Variants in MAPRE2 observed in about 807,000 individuals in gnomAD.
MAPRE2 encodes microtubule-associated protein RP/EB family member 2.
A neutral mutation model predicts 43.2 loss-of-function variants in MAPRE2; 13 were observed. That is an observed-to-expected ratio of 0.30 (90% CI 0.20 to 0.48). MAPRE2 has a LOEUF of 0.48. Among genes scored for constraint, MAPRE2 ranks in the 20% least tolerant of loss-of-function variants. The pLI is 0.99. For synonymous variants in MAPRE2, 135 were observed against 148.8 expected (o/e 0.91, Z 0.68); for missense variants, 161 against 400.2 (o/e 0.40, Z 5.10).
At chr18:35,045,013 A>T (rs780073356) in intron 1 of MAPRE2, among the ~76,000 whole-genome samples, 1 of 152,176 alleles carries the variant, frequency 6.6e-6, no homozygotes, top group African/African-American at 2.4e-5. Flanking sequence ...TTAGAAAATT[A>T]CCCCTGGATT....
intron 1 of MAPRE2, 59 bp downstream of exon 1, chr18:35,041,720 A>C (rs1054764184): frequency 1.9e-6 from 3 of 1,612,566 alleles, no homozygotes; most frequent in African/African-American, 1.3e-5. Flanking sequence ...GCGGAAATCC[A>C]GCCCGTTATA....
At chr18:35,123,194 C>T (rs760143112) in intron 4 of MAPRE2, among the ~76,000 whole-genome samples, 5 of 152,174 alleles carry the variant, frequency 3.3e-5, no homozygotes, top group Non-Finnish European at 7.3e-5. Context: ...TCTTATCAAA[C>T]ATTTCAGTTT....
intron 1 of MAPRE2, among the ~76,000 whole-genome samples, chr18:35,067,726 C>G (rs1906905221): frequency 6.6e-6 from 1 of 152,120 alleles, no homozygotes; most frequent in African/African-American, 2.4e-5. Context: ...TAGAAAAGCC[C>G]ATCAGCTGCC....
At chr18:35,120,112 G>C (rs1055397074) in intron 4 of MAPRE2, among the ~76,000 whole-genome samples, 2 of 152,146 alleles carry the variant, frequency 1.3e-5, no homozygotes, top group African/African-American at 4.8e-5. Flanking sequence ...AGTGGAGCTG[G>C]GACCCCTAAG....
intron 1 of MAPRE2, among the ~76,000 whole-genome samples, chr18:35,069,234 AT>A (rs1906986940): frequency 6.6e-6 from 1 of 152,226 alleles, no homozygotes; most frequent in African/African-American, 2.4e-5. Context: ...TTATAAAGAA[AT>A]TTAAAGAATG....
chr18:35,029,857 A>G (rs1051150149), intron 2 of MAPRE2, among the ~76,000 whole-genome samples: 1 of 152,250 alleles, frequency 6.6e-6, no homozygotes, highest in Admixed American at 6.5e-5. Flanking sequence ...TTTTAACGAG[A>G]GCACTCAAAT....
At chr18:35,112,836 G>GTATAAACAA (rs1264727069) in intron 4 of MAPRE2, among the ~76,000 whole-genome samples, 1 of 152,202 alleles carries the variant, frequency 6.6e-6, no homozygotes, top group Non-Finnish European at 1.5e-5. Context: ...AGGTAGCTTT[G>GTATAAACAA]TATAAACAAC....
intron 1 of MAPRE2, among the ~76,000 whole-genome samples, chr18:35,001,235 G>T (rs2097029171): frequency 6.6e-6 from 1 of 152,116 alleles, no homozygotes; most frequent in African/African-American, 2.4e-5. Flanking sequence ...ATATCAGCTG[G>T]GTGCCATGGC....
chr18:35,010,048 C>T lies in MAPRE2; in HGVS notation c.-8+4495C>T, dbSNP rs1457643357. ...AATAAAAGCAATAAGATAAATTTTA[C>T]CCATCTCACACCACAGTAACAATTT... On this transcript the variant is annotated intron_variant, in intron 2 of 7. Coordinates refer to the MAPRE2 transcript ENST00000413393. Among the ~76,000 whole-genome samples, 4 of 152,210 alleles carry T rather than the reference C, an allele frequency of 2.6e-5. No homozygotes were observed. In the South Asian group the frequency reaches 6.2e-4, roughly 24 times the overall value.
At chr18:35,024,182 T>G (rs2097043693) in intron 2 of MAPRE2, among the ~76,000 whole-genome samples, 1 of 152,224 alleles carries the variant, frequency 6.6e-6, no homozygotes, top group South Asian at 2.1e-4. Context: ...CAAGTGTTAT[T>G]GCATTAGAAG....
At chr18:35,064,035 C>G (rs987827991) in intron 1 of MAPRE2, among the ~76,000 whole-genome samples, 4 of 64,748 alleles carry the variant, frequency 6.2e-5, no homozygotes, top group Admixed American at 1.8e-4. Context: ...AAAAAAAAAT[C>G]TGGCCAACGT....
Position 35,132,210 on chromosome 18 carries a change from G to T in MAPRE2, c.909+20G>T, listed in dbSNP as rs568540999. 18 of 1,611,898 alleles carry T rather than the reference G, an allele frequency of 1.1e-5. No homozygotes were observed. The African/African-American group carries it at 2.3e-4, about 20-fold the overall frequency. ...GAACACGTAAGTGTGAGGAGCATGT[G>T]ACTCCTGTGTTCTAAAATGACTCTC... On this transcript the variant is annotated intron_variant, in intron 6 of 6. Coordinates refer to ENST00000300249, the MANE Select transcript of MAPRE2 (RefSeq NM_014268.4).
In MAPRE2 at chr18:35,073,439, T is replaced by C. The variant is rs543919285; in HGVS notation, c.250+3117T>C. 2.6e-5 allele frequency among the ~76,000 whole-genome samples: 4 copies of C among 152,344 alleles called. No individual in the cohort carries two copies. In the East Asian group the frequency reaches 7.7e-4, roughly 29 times the overall value. On this transcript the variant is annotated intron_variant, in intron 2 of 6. Transcript: ENST00000300249. Reference sequence around the variant, plus strand: ...CCTCATACTTATGAGTAGTCAGATTTCTTATGTAATATTTTCTTCAATGTT... The same window carrying C: ...CCTCATACTTATGAGTAGTCAGATTCCTTATGTAATATTTTCTTCAATGTT...
rs559544015 is a variant in MAPRE2, at chr18:35,008,199, A to G, written c.-8+2646A>G. ...TCATGATGTATAAGACTCAGGTGAC[A>G]CCTGAGTCTTAGTGTTAAATACTGA... On this transcript the variant is annotated intron_variant, in intron 2 of 7. Transcript: ENST00000413393. Among the ~76,000 whole-genome samples the G allele has an allele frequency of 7.9e-5, 12 of 152,214 alleles. No homozygotes were observed. The South Asian group carries it at 1.0e-3, about 13-fold the overall frequency.
At chr18:35,043,495 G>A (rs1905468202) in intron 1 of MAPRE2, among the ~76,000 whole-genome samples, 2 of 152,210 alleles carry the variant, frequency 1.3e-5, no homozygotes, top group African/African-American at 2.4e-5. Context: ...ACAGATTATT[G>A]CTTTAAAATG....
chr18:34,985,078 T>TAATA (rs1568961204), intron 1 of MAPRE2, among the ~76,000 whole-genome samples: 94 of 85,820 alleles, frequency 1.1e-3, no homozygotes, highest in African/African-American at 4.7e-3. Context: ...ATAAAATATA[T>TAATA]TATAAAAATA....
chr18:35,085,283 C>T lies in MAPRE2; in HGVS notation c.251-12163C>T, dbSNP rs1287425167. Among the ~76,000 whole-genome samples the T allele has an allele frequency of 2.6e-5, 4 of 152,156 alleles. No individual in the cohort carries two copies. In the East Asian group the frequency reaches 5.8e-4, roughly 22 times the overall value. On this transcript the variant is annotated intron_variant, in intron 2 of 6. Transcript: ENST00000300249. ...CCAAAGGGGAATGCTTCCTTCAACA[C>T]GAGGTTTGGGCTTAGGTAATAGTTG...
intron 6 of MAPRE2, among the ~76,000 whole-genome samples, chr18:35,133,898 G>A (rs904296638): frequency 2.0e-5 from 3 of 151,974 alleles, no homozygotes; most frequent in South Asian, 2.1e-4. Flanking sequence ...ATCACCACCC[G>A]ACCCCACACA....
At chr18:35,127,160 A>G (rs998142804) in intron 5 of MAPRE2, 73 bp downstream of exon 5, 8 of 1,517,546 alleles carry the variant, frequency 5.3e-6, no homozygotes, top group Non-Finnish European at 7.3e-6. Context: ...AGGATCCCCT[A>G]GGACTGGGGT....
Sources: gnomAD v4.1 joint callset for allele counts (sites outside exome capture counted in the v4.1 genomes callset) on GRCh38, gnomAD v4.1.1 for gene constraint, MANE v1.5 for transcripts, NCBI Gene and HGNC (gene_info 2026-07-23, HGNC 2026-07-21) for gene names.